The following RBFOX1 variants were observed in gnomAD, a reference collection of about 807,000 sequenced individuals.
RBFOX1 encodes RNA binding fox-1 homolog 1, also known as RNA binding protein fox-1 homolog 1.
Under a neutral mutation model 57.7 loss-of-function variants are expected in RBFOX1, and 8 were observed. The ratio of observed to expected loss-of-function variants is 0.14; its 90% confidence interval spans 0.08 to 0.25. The LOEUF is 0.25. RBFOX1 is among the 10% of genes least tolerant of loss of function. The pLI is 1.00. For synonymous variants in RBFOX1, 326 were observed against 222.4 expected (o/e 1.47, Z -4.15); for missense variants, 611 against 548.5 (o/e 1.11, Z -1.14).
intron 5 of RBFOX1, among the ~76,000 whole-genome samples, chr16:7,536,207 G>A (rs1818336927): frequency 1.3e-5 from 2 of 152,234 alleles, no homozygotes. Flanking sequence ...TTCTGTGAAG[G>A]AAAGGTAGAG....
intron 1 of RBFOX1, among the ~76,000 whole-genome samples, chr16:6,186,848 C>T (rs1447179708): frequency 6.6e-6 from 1 of 152,118 alleles, no homozygotes; most frequent in Admixed American, 6.5e-5. Context: ...GCAGAATATG[C>T]AGAGAATGTA....
intron 2 of RBFOX1, among the ~76,000 whole-genome samples, chr16:6,323,786 T>A (rs1259773801): frequency 1.3e-5 from 2 of 152,222 alleles, no homozygotes; most frequent in Non-Finnish European, 1.5e-5. Flanking sequence ...TGCTTTTTTT[T>A]TTTTGAGATA....
intron 5 of RBFOX1, among the ~76,000 whole-genome samples, chr16:7,552,049 A>G (rs2086714311): frequency 6.6e-6 from 1 of 152,114 alleles, no homozygotes; most frequent in African/African-American, 2.4e-5. Flanking sequence ...CCCTCCCCAC[A>G]ATTGTATAAG....
chr16:5,644,663 A>G (rs2048990045), intron 3 of RBFOX1, among the ~76,000 whole-genome samples: 1 of 152,246 alleles, frequency 6.6e-6, no homozygotes, highest in South Asian at 2.1e-4. Context: ...TGTGGGGGAT[A>G]AAAATACTGT....
intron 3 of RBFOX1, among the ~76,000 whole-genome samples, chr16:6,868,624 A>G (rs893575381): frequency 1.3e-5 from 2 of 152,020 alleles, no homozygotes; most frequent in African/African-American, 4.8e-5. Context: ...GGCACACACC[A>G]CCACGCCCAG....
chr16:7,594,672 T>C (rs1460321910), intron 7 of RBFOX1, among the ~76,000 whole-genome samples: 1 of 152,208 alleles, frequency 6.6e-6, no homozygotes, highest in Admixed American at 6.5e-5. Context: ...GTGGCCAGAA[T>C]ATTATTACAA....
At chr16:5,916,581 C>T (rs764396579) in intron 4 of RBFOX1, among the ~76,000 whole-genome samples, 7 of 152,074 alleles carry the variant, frequency 4.6e-5, no homozygotes, top group African/African-American at 9.7e-5. Context: ...GTGCTGGGTC[C>T]TCCACTGCTT....
At chr16:6,972,440 A>C (rs948342370) in intron 3 of RBFOX1, among the ~76,000 whole-genome samples, 9 of 152,294 alleles carry the variant, frequency 5.9e-5, no homozygotes, top group Non-Finnish European at 1.0e-4. Context: ...AAGGCTAAGT[A>C]ATATTCCCTT....
intron 1 of RBFOX1, among the ~76,000 whole-genome samples, chr16:6,288,001 C>G (rs531679435): frequency 6.6e-6 from 1 of 152,096 alleles, no homozygotes; most frequent in African/African-American, 2.4e-5. Flanking sequence ...GTACTTCAAC[C>G]TTTTCTGTCT....
chr16:5,836,909 T>A (rs73515294), intron 3 of RBFOX1, among the ~76,000 whole-genome samples: 1 of 152,170 alleles, frequency 6.6e-6, no homozygotes, highest in African/African-American at 2.4e-5. Flanking sequence ...CTGACTTGTT[T>A]CCTGGTCTCC....
chr16:7,460,389 A>ATATATATG, intron 4 of RBFOX1, among the ~76,000 whole-genome samples: 37 of 87,208 alleles, frequency 4.2e-4, no homozygotes, highest in African/African-American at 1.3e-3. Context: ...ATATATATAT[A>ATATATATG]TGTGTGTGTG....
At chr16:6,597,602 G>A (rs539111859) in intron 2 of RBFOX1, among the ~76,000 whole-genome samples, 6 of 152,074 alleles carry the variant, frequency 3.9e-5, no homozygotes, top group Non-Finnish European at 7.4e-5. Context: ...GAACCCGGGA[G>A]GTGGAAGATT....
chr16:5,818,130 T>G (rs1411140299), intron 3 of RBFOX1, among the ~76,000 whole-genome samples: 1 of 152,196 alleles, frequency 6.6e-6, no homozygotes, highest in Non-Finnish European at 1.5e-5. Context: ...GATACTTCAT[T>G]AGATCATCAC....
At chr16:6,494,403 C>T (rs555516689) in intron 2 of RBFOX1, among the ~76,000 whole-genome samples, 2 of 152,168 alleles carry the variant, frequency 1.3e-5, no homozygotes, top group African/African-American at 4.8e-5. Context: ...CCCTGTCGAT[C>T]ATGAATCTGC....
chr16:7,581,723 C>T (rs892344124), intron 6 of RBFOX1, among the ~76,000 whole-genome samples: 1 of 152,024 alleles, frequency 6.6e-6, no homozygotes. Context: ...TTTCAGGGCT[C>T]TTGTTTTTAA....
At chr16:6,394,466 G>A (rs2092735347) in intron 2 of RBFOX1, among the ~76,000 whole-genome samples, 1 of 151,584 alleles carries the variant, frequency 6.6e-6, no homozygotes, top group Non-Finnish European at 1.5e-5. Context: ...TTCTTGCAAA[G>A]AACCTTAAAT....
intron 3 of RBFOX1, among the ~76,000 whole-genome samples, chr16:6,832,997 C>T (rs145164294): frequency 6.6e-6 from 1 of 152,126 alleles, no homozygotes; most frequent in African/African-American, 2.4e-5. Flanking sequence ...TCATTTACCA[C>T]TAATGTTCTA....
chr16:5,912,498 T>C (rs1274404513), intron 4 of RBFOX1, among the ~76,000 whole-genome samples: 3 of 152,168 alleles, frequency 2.0e-5, no homozygotes, highest in Non-Finnish European at 2.9e-5. Context: ...CCAGTCCCAC[T>C]ACATCACACA....
intron 13 of RBFOX1, among the ~76,000 whole-genome samples, chr16:7,670,176 C>A (rs538247585): frequency 6.6e-6 from 1 of 152,096 alleles, no homozygotes; most frequent in South Asian, 2.1e-4. Flanking sequence ...AGACTACATG[C>A]ATGCACCACG....
Sources: gnomAD v4.1 joint callset for allele counts (sites outside exome capture counted in the v4.1 genomes callset) on GRCh38, gnomAD v4.1.1 for gene constraint, MANE v1.5 for transcripts, NCBI Gene and HGNC (gene_info 2026-07-23, HGNC 2026-07-21) for gene names.